The following CCDC102B variants were observed in gnomAD, a reference collection of about 807,000 sequenced individuals.
CCDC102B encodes the protein coiled-coil domain containing 102B.
A neutral mutation model predicts 57.4 loss-of-function variants in CCDC102B; 75 were observed. The observed-to-expected ratio is 1.31, with a 90% CI of 1.08 to 1.58. CCDC102B has a LOEUF of 1.58. Among genes scored for constraint, CCDC102B ranks in the 40% most tolerant of loss-of-function variants. CCDC102B has a pLI of 0.00. For missense variants in CCDC102B, 636 were observed against 582.6 expected (o/e 1.09, Z -0.94); for synonymous variants, 206 against 201.9 (o/e 1.02, Z -0.17).
At chr18:68,897,758 T>C (rs1200971789) in intron 6 of CCDC102B, 1 of 633,388 alleles carries the variant, frequency 1.6e-6, no homozygotes, top group Non-Finnish European at 2.3e-6. Context: ...AATGATCTTA[T>C]TTCCAATAAA....
intron 2 of CCDC102B, among the ~76,000 whole-genome samples, chr18:68,727,934 G>A (rs1340899611): frequency 6.6e-6 from 1 of 152,096 alleles, no homozygotes; most frequent in Admixed American, 6.5e-5. Flanking sequence ...GTAGATAATT[G>A]GACAATAAAG....
At chr18:68,950,941 A>G (rs1021570732) in intron 6 of CCDC102B, among the ~76,000 whole-genome samples, 6 of 152,170 alleles carry the variant, frequency 3.9e-5, no homozygotes, top group Non-Finnish European at 7.3e-5. Flanking sequence ...AATAAAATAT[A>G]TCTTAGAAAA....
upstream of CCDC102B, among the ~76,000 whole-genome samples, chr18:68,795,500 C>CT (rs1218994227): frequency 2.6e-5 from 4 of 152,120 alleles, no homozygotes; most frequent in Non-Finnish European, 5.9e-5. Flanking sequence ...CAGCAATACT[C>CT]TTTTGAAAGC....
chr18:68,812,483 T>C (rs970685988), intron 1 of CCDC102B, among the ~76,000 whole-genome samples: 2 of 152,332 alleles, frequency 1.3e-5, no homozygotes, highest in Middle Eastern at 3.4e-3. Context: ...ATGTCGTGGT[T>C]CACTTTAAGT....
chr18:68,983,600 A>T (rs940627850), intron 6 of CCDC102B, among the ~76,000 whole-genome samples: 1 of 151,998 alleles, frequency 6.6e-6, no homozygotes, highest in African/African-American at 2.4e-5. Context: ...ATGTTCATTC[A>T]TGGCTTTTAA....
chr18:69,037,893 C>T (rs2052337407), intron 7 of CCDC102B, among the ~76,000 whole-genome samples: 1 of 151,952 alleles, frequency 6.6e-6, no homozygotes, highest in Non-Finnish European at 1.5e-5. Context: ...CCACCTAGGT[C>T]TTTGAGGTAA....
chr18:68,942,767 A>C (rs1160252324), intron 6 of CCDC102B, among the ~76,000 whole-genome samples: 1 of 151,680 alleles, frequency 6.6e-6, no homozygotes, highest in African/African-American at 2.4e-5. Context: ...TCTTATCTCA[A>C]CTGCAAAGAG....
intron 4 of CCDC102B, among the ~76,000 whole-genome samples, chr18:68,867,250 G>A (rs143660056): frequency 6.6e-6 from 1 of 152,224 alleles, no homozygotes; most frequent in East Asian, 1.9e-4. Context: ...TCGGCCTCCC[G>A]AAGTGCTGGG....
At chr18:68,800,859 G>T (rs942662516) in intron 1 of CCDC102B, among the ~76,000 whole-genome samples, 1 of 152,068 alleles carries the variant, frequency 6.6e-6, no homozygotes, top group African/African-American at 2.4e-5. Context: ...AAAAAGAATA[G>T]AACTTATTTA....
chr18:68,856,434 G>T (rs1025474652), intron 4 of CCDC102B, among the ~76,000 whole-genome samples: 7 of 152,048 alleles, frequency 4.6e-5, no homozygotes, highest in African/African-American at 1.4e-4. Flanking sequence ...AGGACTACAG[G>T]CATGTACCAC....
chr18:68,779,432 G>C lies in CCDC102B; in HGVS notation c.-66-43934G>C, dbSNP rs147479692. On this transcript the variant is annotated intron_variant, in intron 2 of 3. Transcript: ENST00000578970. ...CACAAAGATTGCTTAGTACAAAATT[G>C]CTTAAGGCAATTGAAAAGTATGAAG... is the stretch of plus-strand genomic sequence containing the variant. Among the ~76,000 whole-genome samples, 12 of 152,146 alleles carry C rather than the reference G, an allele frequency of 7.9e-5. No homozygotes were observed. The East Asian group carries it at 1.5e-3, about 20-fold the overall frequency.
At chr18:68,912,431 A>G (rs568851669) in intron 6 of CCDC102B, among the ~76,000 whole-genome samples, 1 of 152,338 alleles carries the variant, frequency 6.6e-6, no homozygotes, top group South Asian at 2.1e-4. Context: ...ACATTAGCAA[A>G]TGCAAATTAT....
intron 1 of CCDC102B, among the ~76,000 whole-genome samples, chr18:68,808,835 A>G (rs2036139375): frequency 1.3e-5 from 2 of 152,160 alleles, no homozygotes; most frequent in Non-Finnish European, 2.9e-5. Flanking sequence ...GGCAATAGAA[A>G]ATGATTGGTT....
chr18:68,810,796 G>T (rs923432756), intron 1 of CCDC102B, among the ~76,000 whole-genome samples: 9 of 143,424 alleles, frequency 6.3e-5, no homozygotes, highest in African/African-American at 2.3e-4. Flanking sequence ...ACCCATCAAT[G>T]CATCTTCTAC....
intron 2 of CCDC102B, among the ~76,000 whole-genome samples, chr18:68,736,590 T>A (rs2033140429): frequency 6.6e-6 from 1 of 152,214 alleles, no homozygotes. Context: ...TTGTGCTGTG[T>A]TTTCTTTACA....
At chr18:68,752,430 G>A (rs1371417382) in intron 2 of CCDC102B, among the ~76,000 whole-genome samples, 4 of 148,556 alleles carry the variant, frequency 2.7e-5, no homozygotes, top group African/African-American at 9.9e-5. Context: ...AGGGAAAAGG[G>A]GAAAAAAATA....
At chr18:68,831,123 C>T (rs190114193) in intron 1 of CCDC102B, among the ~76,000 whole-genome samples, 1 of 151,986 alleles carries the variant, frequency 6.6e-6, no homozygotes, top group Admixed American at 6.6e-5. Flanking sequence ...CATCAAGATA[C>T]TATGTGGAGA....
intron 6 of CCDC102B, among the ~76,000 whole-genome samples, chr18:68,952,862 T>A (rs1336096518): frequency 6.6e-6 from 1 of 152,184 alleles, no homozygotes; most frequent in Admixed American, 6.5e-5. Context: ...TTGCATTGTT[T>A]ATGAATCAAC....
intron 7 of CCDC102B, among the ~76,000 whole-genome samples, chr18:69,048,517 T>A (rs1235297502): frequency 6.6e-6 from 1 of 152,096 alleles, no homozygotes; most frequent in Non-Finnish European, 1.5e-5. Context: ...ACTTGTGCCA[T>A]CTCTATGAAT....
Sources: gnomAD v4.1 joint callset for allele counts (sites outside exome capture counted in the v4.1 genomes callset) on GRCh38, gnomAD v4.1.1 for gene constraint, MANE v1.5 for transcripts, NCBI Gene and HGNC (gene_info 2026-07-23, HGNC 2026-07-21) for gene names.